The following XNDC1N variants were observed in gnomAD, a reference collection of about 807,000 sequenced individuals.
The protein encoded by XNDC1N is protein XNDC1N.
the XNDC1N span, among the ~76,000 whole-genome samples, chr11:71,877,645 AAAAT>A: frequency 4.6e-5 from 7 of 152,194 alleles, no homozygotes; most frequent in African/African-American, 7.2e-5. Context: ...CTCTAAATAA[AAAAT>A]AAATAAATAA....
At chr11:71,882,529 C>A in the XNDC1N span, among the ~76,000 whole-genome samples, 1 of 152,186 alleles carries the variant, frequency 6.6e-6, no homozygotes, top group Non-Finnish European at 1.5e-5. Flanking sequence ...CCATGCCCAG[C>A]CTACCCTCTA....
chr11:71,901,187 A>G, the XNDC1N span, among the ~76,000 whole-genome samples: 1 of 152,062 alleles, frequency 6.6e-6, no homozygotes, highest in Non-Finnish European at 1.5e-5. Flanking sequence ...ACAGCTCTTG[A>G]CTTCCACAAA....
At chr11:71,867,889 G>A in the XNDC1N span, among the ~76,000 whole-genome samples, 2 of 152,136 alleles carry the variant, frequency 1.3e-5, no homozygotes, top group Admixed American at 6.5e-5. Context: ...GTGAGGTGTT[G>A]AAGTCTCCCA....
At chr11:71,920,130 T>G in the XNDC1N span, among the ~76,000 whole-genome samples, 1 of 147,980 alleles carries the variant, frequency 6.8e-6, no homozygotes, top group Non-Finnish European at 1.5e-5. Flanking sequence ...GCTAATTTTT[T>G]TTGTATTTTT....
the XNDC1N span, chr11:71,918,906 G>A: frequency 1.3e-5 from 9 of 702,766 alleles, no homozygotes; most frequent in African/African-American, 1.6e-4. Flanking sequence ...TAGCCAGTGG[G>A]CACTGCCCTC....
At chr11:71,898,470 G>C in the XNDC1N span, among the ~76,000 whole-genome samples, 3 of 152,002 alleles carry the variant, frequency 2.0e-5, no homozygotes. Context: ...AGCTGGGCGT[G>C]ATAGCGCACG....
At chr11:71,884,930 C>A in the XNDC1N span, among the ~76,000 whole-genome samples, 1 of 151,346 alleles carries the variant, frequency 6.6e-6, no homozygotes, top group Non-Finnish European at 1.5e-5. Flanking sequence ...TCTTAGGACC[C>A]CCATTGCAGG....
chr11:71,893,844 C>T, the XNDC1N span: 17 of 973,030 alleles, frequency 1.7e-5, no homozygotes, highest in African/African-American at 2.7e-4. Context: ...GCTTTGTAGC[C>T]ATCTGTTGCC....
At chr11:71,893,569 A>G in the XNDC1N span, 5 of 969,578 alleles carry the variant, frequency 5.2e-6, no homozygotes, top group East Asian at 2.5e-5. Flanking sequence ...GTCCCTGTCC[A>G]TGCATCTGGT....
the XNDC1N span, among the ~76,000 whole-genome samples, chr11:71,897,655 G>A: frequency 2.0e-5 from 3 of 152,230 alleles, no homozygotes; most frequent in Non-Finnish European, 2.9e-5. Context: ...AGTATGGCGT[G>A]TACTGGAAAA....
chr11:71,875,112 A>G, the XNDC1N span, among the ~76,000 whole-genome samples: 2 of 152,194 alleles, frequency 1.3e-5, no homozygotes, highest in African/African-American at 4.8e-5. Context: ...ACAATGCCCA[A>G]CAATGAAAGG....
the XNDC1N span, among the ~76,000 whole-genome samples, chr11:71,897,298 T>C: frequency 1.3e-5 from 2 of 152,052 alleles, no homozygotes; most frequent in African/African-American, 4.8e-5. Flanking sequence ...ACATAACCCA[T>C]GGATTAGGAA....
the XNDC1N span, chr11:71,884,406 G>A: frequency 6.3e-7 from 1 of 1,579,224 alleles, no homozygotes; most frequent in Non-Finnish European, 8.6e-7. Context: ...TCTTTTTAAA[G>A]CCAGAAGCTT....
At chr11:71,873,861 T>G in the XNDC1N span, among the ~76,000 whole-genome samples, 1 of 152,224 alleles carries the variant, frequency 6.6e-6, no homozygotes, top group African/African-American at 2.4e-5. Flanking sequence ...ATAATTTGAT[T>G]TAATTTGCAT....
chr11:71,884,454 T>C, the XNDC1N span: 2 of 1,608,506 alleles, frequency 1.2e-6, no homozygotes, highest in South Asian at 2.2e-5. Context: ...ATATTATCAT[T>C]GCAGACTGAA....
chr11:71,919,128 T>C, the XNDC1N span: 153 of 648,190 alleles, frequency 2.4e-4, no homozygotes, highest in African/African-American at 2.4e-3. Flanking sequence ...TTCCCAGTCA[T>C]CCTAACATGA....
the XNDC1N span, among the ~76,000 whole-genome samples, chr11:71,899,249 CCT>C: frequency 5.9e-5 from 9 of 152,158 alleles, no homozygotes; most frequent in African/African-American, 2.2e-4. Context: ...CCTGTATCAC[CCT>C]GTCTTCTTGC....
the XNDC1N span, among the ~76,000 whole-genome samples, chr11:71,886,103 C>A: frequency 6.6e-6 from 1 of 152,114 alleles, no homozygotes; most frequent in African/African-American, 2.4e-5. Context: ...CAGCCGTAGA[C>A]TGGGATAGAT....
At chr11:71,891,537 A>G in the XNDC1N span, among the ~76,000 whole-genome samples, 1 of 152,088 alleles carries the variant, frequency 6.6e-6, no homozygotes, top group Non-Finnish European at 1.5e-5. Context: ...TGGATGTAAT[A>G]TGATCCTCTC....
Sources: gnomAD v4.1 joint callset for allele counts (sites outside exome capture counted in the v4.1 genomes callset) on GRCh38, gnomAD v4.1.1 for gene constraint, MANE v1.5 for transcripts, NCBI Gene and HGNC (gene_info 2026-07-23, HGNC 2026-07-21) for gene names.